The following PLA2G4B variants were observed in gnomAD, a reference collection of about 807,000 sequenced individuals.
The protein encoded by PLA2G4B is cytosolic phospholipase A2 beta.
In PLA2G4B, 122 loss-of-function variants were observed where a neutral mutation model predicts 95.8. The observed-to-expected ratio is 1.27, with a 90% CI of 1.10 to 1.48. PLA2G4B has a LOEUF of 1.48. Ranked by LOEUF, PLA2G4B falls within the 40% of genes most tolerant of loss-of-function variation. The pLI is 0.00. For missense variants in PLA2G4B, 1,158 were observed against 996.2 expected (o/e 1.16, Z -2.19); for synonymous variants, 518 against 421.5 (o/e 1.23, Z -2.80).
chr15:41,846,499 TGGAACA>T, intron 17 of PLA2G4B, 117 bp downstream of exon 17: 1 of 1,513,716 alleles, frequency 6.6e-7, no homozygotes, highest in Non-Finnish European at 8.9e-7. Context: ...CTGGACTACT[TGGAACA>T]GGGGTCTTTT....
In PLA2G4B at chr15:41,845,928, C is replaced by T. The variant is rs375948272; in HGVS notation, c.1496-15C>T. ...AAGAGTCGGGGGCCCTCTTCCCTCA[C>T]GGCCGCTCTTTCAGGTATCTGGAGC... is the stretch of plus-strand genomic sequence containing the variant. On this transcript the variant is annotated splice_polypyrimidine_tract_variant and intron_variant, in intron 15 of 19. Transcript: ENST00000458483. The T allele has an allele frequency of 2.1e-5, 32 of 1,514,882 alleles. No homozygotes were observed. Among genetic ancestry groups the T allele is most frequent in the South Asian group, 4.0e-5 (3 of 74,872 alleles). The allele number at this position is 1,514,882 out of a possible 1,614,324, so 93.8% of individuals were successfully genotyped here.
intron 10 of PLA2G4B, 43 bp from the exon 11 acceptor site, chr15:41,843,633 G>A: frequency 1.3e-6 from 2 of 1,594,262 alleles, no homozygotes; most frequent in Non-Finnish European, 8.6e-7. Context: ...ATTCTCTGGG[G>A]AGGGTTGAGA....
chr15:41,840,967 C>T lies in PLA2G4B; in HGVS notation c.351+62C>T, dbSNP rs528972096. The T allele has an allele frequency of 5.7e-6, 9 of 1,589,110 alleles. No individual in the cohort carries two copies. The South Asian group carries it at 6.8e-5, about 12-fold the overall frequency. On this transcript the variant is annotated intron_variant, in intron 4 of 19. Coordinates refer to ENST00000458483, the MANE Select transcript of PLA2G4B (RefSeq NM_001114633.2). ...CTGGGTTGAAATCTCCACGCGCACA[C>T]ATGCACACACACGCATGTCTCTCAT...
chr15:41,841,553 G>A lies in PLA2G4B; in HGVS notation c.472G>A (p.Glu158Lys), dbSNP rs566853369. Residue 158 changes from glutamate (E) to lysine (K), a missense_variant, in exon 7 of 20, where the codon GAG (glutamate) becomes AAG (lysine). Glu to Lys is a moderately conservative substitution (Grantham distance 56, BLOSUM62 1). Coordinates refer to ENST00000458483, the MANE Select transcript of PLA2G4B (RefSeq NM_001114633.2). ...ELSCLHVQLE[E>K]TGDQKSSEHR... is the part of the protein sequence containing the mutation. ...CTCCTGCTTGCACGTTCAACTGGAG[G>A]AGACAGGAGACCAGAAGTGTGAGTC... 1.2e-6 allele frequency: 2 copies of A among 1,614,058 alleles called. No individual in the cohort carries two copies. Among genetic ancestry groups the A allele is most frequent in the African/African-American group, 2.7e-5 (2 of 75,002 alleles).
At position 41,841,966 on chromosome 15, in the gene PLA2G4B, C is replaced by A. The variant is rs1352741099; in HGVS notation, c.621+17C>A. ...CGCCTGCAGGTAGTGTGCCTCGCTC[C>A]CTCGAGGTGGGGCCCCCAGAACTTC... On this transcript the variant is annotated intron_variant, in intron 8 of 19. Transcript: ENST00000458483. The A allele has an allele frequency of 5.6e-6, 9 of 1,604,726 alleles. No individual in the cohort carries two copies. In the Admixed American group the frequency reaches 8.4e-5, roughly 15 times the overall value.
chr15:41,840,438 A>T (rs1312771500), intron 2 of PLA2G4B, 86 bp from the exon 3 acceptor site: 1 of 1,606,334 alleles, frequency 6.2e-7, no homozygotes, highest in Non-Finnish European at 8.5e-7. Flanking sequence ...CTTAACCCAC[A>T]TGGGGCTCTA....
In PLA2G4B at chr15:41,847,857, C is replaced by CTGA. The variant is rs1255414974; in HGVS notation, c.2346_*2dup. The CTGA allele has an allele frequency of 1.2e-6, 2 of 1,612,086 alleles. No individual in the cohort carries two copies. Among genetic ancestry groups the CTGA allele is most frequent in the Middle Eastern group, 3.3e-4 (2 of 6,048 alleles). ...AGCGGAGGCGGCAGCGCAGGCCCCA[C>CTGA]TGATGGCCGGGGCCCCTGCCACCCC... On this transcript the variant is annotated inframe_insertion and stop_retained_variant, in exon 20 of 20. Transcript: ENST00000458483.
At position 41,845,914 on chromosome 15, in the gene PLA2G4B, G is replaced by T. The variant is rs753591547; in HGVS notation, c.1496-29G>T. 7.9e-6 allele frequency: 12 copies of T among 1,514,742 alleles called. No homozygotes were observed. The East Asian group carries it at 2.7e-4, about 34-fold the overall frequency. 93.8% of individuals were successfully genotyped at this position (1,514,742 alleles called of 1,614,324 possible). On this transcript the variant is annotated intron_variant, in intron 15 of 19. Coordinates refer to ENST00000458483, the MANE Select transcript of PLA2G4B (RefSeq NM_001114633.2). ...GGTAGGATTGGGACAAGAGTCGGGG[G>T]CCCTCTTCCCTCACGGCCGCTCTTT... is the stretch of plus-strand genomic sequence containing the variant.
intron 12 of PLA2G4B, 113 bp from the exon 13 acceptor site, chr15:41,844,735 G>A (rs751546623): frequency 6.4e-7 from 1 of 1,553,604 alleles, no homozygotes; most frequent in Non-Finnish European, 8.7e-7. Context: ...CGTGCTCAAG[G>A]GGACCCTGGG....
chr15:41,839,909 T>G (rs901440692), intron 1 of PLA2G4B: 30 of 519,790 alleles, frequency 5.8e-5, no homozygotes, highest in African/African-American at 5.7e-4. Context: ...ATAAGGTGGT[T>G]GTGCGATAAA....
chr15:41,839,147 T>C, intron 1 of PLA2G4B: 2 of 410,134 alleles, frequency 4.9e-6, no homozygotes, highest in Admixed American at 4.0e-5. Context: ...CTGGCAGAGC[T>C]CCCTGGCACC....
intron 18 of PLA2G4B, among the ~76,000 whole-genome samples, chr15:41,847,047 A>C (rs186464412): frequency 1.3e-5 from 2 of 151,848 alleles, no homozygotes; most frequent in East Asian, 3.9e-4. Flanking sequence ...GGTCCCCTTT[A>C]CTGACCTGCG....
rs1333453360 is a variant in PLA2G4B, at chr15:41,846,188, A to G, written c.1601-15A>G. On this transcript the variant is annotated splice_polypyrimidine_tract_variant and intron_variant, in intron 16 of 19. Coordinates refer to ENST00000458483, the MANE Select transcript of PLA2G4B (RefSeq NM_001114633.2). ...AGGTGCAGGAGTCCCCATTTCCCCC[A>G]CCTTGCCTGTGTAGACAAGGAGCAG... 3.1e-6 allele frequency: 5 copies of G among 1,608,696 alleles called. No individual in the cohort carries two copies. Among genetic ancestry groups the G allele is most frequent in the Admixed American group, 1.7e-5 (1 of 59,928 alleles).
At chr15:41,839,954 C>T (rs1390247386) in intron 1 of PLA2G4B, 17 of 609,610 alleles carry the variant, frequency 2.8e-5, no homozygotes, top group East Asian at 2.3e-4. Context: ...GGCCCAGAGC[C>T]GGCGCAGAGC....
intron 10 of PLA2G4B, 83 bp downstream of exon 10, chr15:41,842,674 G>T: frequency 6.7e-7 from 1 of 1,493,154 alleles, no homozygotes. Flanking sequence ...GGAGTGAGGG[G>T]GAGAAACAGC....
chr15:41,844,467 C>T lies in PLA2G4B; in HGVS notation c.880-4C>T. ...TCTACAGGCCTGGCTCTCTTCTTTTCCAGATCCCAGTGGTAGCTATTATGG... is the reference window on the plus strand; with the variant it reads ...TCTACAGGCCTGGCTCTCTTCTTTTTCAGATCCCAGTGGTAGCTATTATGG... On this transcript the variant is annotated splice_polypyrimidine_tract_variant and splice_region_variant and intron_variant, in intron 11 of 19. Coordinates refer to ENST00000458483, the MANE Select transcript of PLA2G4B (RefSeq NM_001114633.2). 1 of 1,614,146 alleles carries T rather than the reference C, an allele frequency of 6.2e-7. No individual in the cohort carries two copies.
chr15:41,846,885 C>T (rs1381744302), intron 18 of PLA2G4B, 50 bp downstream of exon 18: 2 of 1,546,550 alleles, frequency 1.3e-6, no homozygotes, highest in Non-Finnish European at 8.8e-7. Flanking sequence ...GGCCCCTGTC[C>T]CCTGAAGAGA....
intron 1 of PLA2G4B, chr15:41,839,131 G>A (rs2065378499): frequency 2.3e-6 from 1 of 439,782 alleles, no homozygotes. Flanking sequence ...TCCTGGGAAC[G>A]GGCTCCTGGC....
At position 41,840,854 on chromosome 15, in the gene PLA2G4B, G is replaced by C; in HGVS notation, c.300G>C (p.Gly100=). Residue 100 remains glycine, a synonymous_variant, in exon 4 of 20, where the codon GGG becomes GGC. Transcript: ENST00000458483. Reference sequence around the variant, plus strand: ...TGTTGTCAGTACTGTTTGATGCGGGGACTCTGCGGGCTGGGGAGTTCCGGC... The same window carrying C: ...TGTTGTCAGTACTGTTTGATGCGGGCACTCTGCGGGCTGGGGAGTTCCGGC... ...DPVLSVLFDA[G]TLRAGEFRRE... 1.2e-6 allele frequency: 2 copies of C among 1,613,990 alleles called. No homozygotes were observed. The highest frequency in any genetic ancestry group is 1.7e-6 in the Non-Finnish European group (2 of 1,179,936).
Sources: gnomAD v4.1 joint callset for allele counts (sites outside exome capture counted in the v4.1 genomes callset) on GRCh38, gnomAD v4.1.1 for gene constraint, MANE v1.5 for transcripts, NCBI Gene and HGNC (gene_info 2026-07-23, HGNC 2026-07-21) for gene names.